The following RASAL3 variants were observed in gnomAD, a reference collection of about 807,000 sequenced individuals.
The protein encoded by RASAL3 is RAS protein activator like-3.
Under a neutral mutation model 105.5 loss-of-function variants are expected in RASAL3, and 74 were observed. The ratio of observed to expected loss-of-function variants is 0.70; its 90% confidence interval spans 0.58 to 0.85. The LOEUF (loss-of-function observed/expected upper bound fraction) is 0.85. Among genes scored for constraint, RASAL3 ranks in the 40% least tolerant of loss-of-function variants. The probability of loss-of-function intolerance (pLI) is 0.00; values close to 1 mark genes in which losing one functional copy is unlikely to be tolerated. For missense variants in RASAL3, 1,352 were observed against 1,392.0 expected, an observed-to-expected ratio of 0.97 and a Z score of 0.46; for synonymous variants, 579 against 591.6, an observed-to-expected ratio of 0.98 and a Z score of 0.31.
At chr19:15,454,333 G>C (rs1241628973) in intron 13 of RASAL3, 28 bp downstream of exon 13, 1 of 1,589,318 alleles carries the variant, frequency 6.3e-7, no homozygotes. Flanking sequence ...AAGCCTTCTT[G>C]CCTCCCTACT....
At chr19:15,458,130 T>G in intron 8 of RASAL3, 198 bp downstream of exon 8, 1 of 638,144 alleles carries the variant, frequency 1.6e-6, no homozygotes, top group East Asian at 2.7e-5. Context: ...GGGCCGGGAG[T>G]GGACAGAAGG....
Position 15,461,417 on chromosome 19 carries a change from CCCT to C in RASAL3, c.465+51_465+53del. 5 of 1,532,082 alleles carry C rather than the reference CCCT, an allele frequency of 3.3e-6. No individual in the cohort carries two copies. The South Asian group carries it at 3.6e-5, about 11-fold the overall frequency. The allele number at this position is 1,532,082 out of a possible 1,614,324, so 94.9% of individuals were successfully genotyped here. A position where few individuals can be genotyped will look rare whatever the true frequency, so the allele number is the denominator to read the frequency against. On this transcript the variant is annotated intron_variant, in intron 3 of 17. Coordinates refer to ENST00000343625, the MANE Select transcript of RASAL3 (RefSeq NM_022904.3). ...CCCTCCAGCCCCTGCCTCTGTTCTGCCCTCCTCCTTTTTCTTTCTTCCCTCCTC... is the reference window on the plus strand; with the variant it reads ...CCCTCCAGCCCCTGCCTCTGTTCTGCCCTCCTTTTTCTTTCTTCCCTCCTC...
In RASAL3 at chr19:15,461,579, G is replaced by GGGCTCCAGCTCTGGCTCC; in HGVS notation, c.339_356dup (p.Glu114_Pro119dup). 1.3e-6 allele frequency: 2 copies of GGGCTCCAGCTCTGGCTCC among 1,532,392 alleles called. No individual in the cohort carries two copies. Among genetic ancestry groups the GGGCTCCAGCTCTGGCTCC allele is most frequent in the Non-Finnish European group, 1.7e-6 (2 of 1,145,468 alleles). 94.9% of individuals were successfully genotyped at this position (1,532,392 alleles called of 1,614,324 possible). A position where few individuals can be genotyped will look rare whatever the true frequency, so the allele number is the denominator to read the frequency against. ...GGGCCTCAGGGATCTGTGGGGTAGGGGGCTCCAGCTCTGGCTCCGGCTCCA... is the reference window on the plus strand; with the variant it reads ...GGGCCTCAGGGATCTGTGGGGTAGGGGGCTCCAGCTCTGGCTCCGGCTCCAGCTCTGGCTCCGGCTCCA... On this transcript the variant is annotated inframe_insertion, in exon 3 of 18. Coordinates refer to ENST00000343625, the MANE Select transcript of RASAL3 (RefSeq NM_022904.3).
Position 15,454,278 on chromosome 19 carries a change from A to AT in RASAL3, c.2161-12dup. The AT allele has an allele frequency of 6.4e-7, 1 of 1,564,596 alleles. No homozygotes were observed. Among genetic ancestry groups the AT allele is most frequent in the East Asian group, 2.4e-5 (1 of 41,938 alleles). On this transcript the variant is annotated splice_polypyrimidine_tract_variant and intron_variant, in intron 13 of 17. Coordinates refer to ENST00000343625, the MANE Select transcript of RASAL3 (RefSeq NM_022904.3). Reference sequence around the variant, plus strand: ...GGTGTCTCGGGTTGTCTGGTGAGGCATGCAGGACAGAGACTGAGCAAAGTC... The same window carrying AT: ...GGTGTCTCGGGTTGTCTGGTGAGGCATTGCAGGACAGAGACTGAGCAAAGTC...
rs773258849 is a variant in RASAL3, at chr19:15,454,513, C to T, written c.2008G>A (p.Glu670Lys). ...AAGCATTGCATGGCTGGTCCATGTT[C>T]CTCCAGGAAGCTATTCATGAAGCCC... ...YMGFMNSFLE[E>K]HGPAMQCFLD... Residue 670 changes from glutamate (E) to lysine (K), a missense_variant, in exon 13 of 18, where the codon GAA (glutamate) becomes AAA (lysine). Glu to Lys is a moderately conservative substitution (Grantham distance 56, BLOSUM62 1). Transcript: ENST00000343625. 6.2e-7 allele frequency: 1 copy of T among 1,613,988 alleles called. No individual in the cohort carries two copies. The highest frequency in any genetic ancestry group is 1.7e-5 in the Admixed American group (1 of 60,028).
chr19:15,459,550 A>G (rs1197678818), intron 6 of RASAL3, among the ~76,000 whole-genome samples: 1 of 150,360 alleles, frequency 6.7e-6, no homozygotes, highest in Non-Finnish European at 1.5e-5. Context: ...AGCCCTATTT[A>G]TTTTTGAGAC....
rs753351235 is a variant in RASAL3 at position 15,452,711 on chromosome 19, C to G, written c.2775G>C (p.Gln925His). ...GCAGCTGGCCCCGCAGCTGCTCCTG[C>G]TGCTCCGTCAAGGCCCGGATTTGGG... The part of the protein sequence containing the change: ...LSTQIRALTE[Q>H]QEQLRGQLQD... Residue 925 changes from glutamine (Q) to histidine (H), a missense_variant, in exon 16 of 18, where the codon CAG becomes CAC. Coordinates refer to ENST00000343625, the MANE Select transcript of RASAL3 (RefSeq NM_022904.3). 6.4e-7 allele frequency: 1 copy of G among 1,553,870 alleles called. No homozygotes were observed. Among genetic ancestry groups the G allele is most frequent in the Admixed American group, 1.9e-5 (1 of 51,496 alleles).
rs762814984 is a variant in RASAL3 at position 15,451,861 on chromosome 19, C to G, written c.2970G>C (p.Arg990Ser). The G allele has an allele frequency of 6.2e-7, 1 of 1,609,114 alleles. No individual in the cohort carries two copies. The highest frequency in any genetic ancestry group is 8.5e-7 in the Non-Finnish European group (1 of 1,176,086). ...DAVQSLQLSPRTRGSWSQPQP... is the reference protein window; with the variant it reads ...DAVQSLQLSPSTRGSWSQPQP... The stretch of plus-strand genomic sequence containing the variant: ...GGGGTTGACTCCAAGACCCCCGCGT[C>G]CTTGGAGAAAGCTGCAGGCTCTGGA... The change falls in exon 18 of 18, where the codon AGG becomes AGC. Residue 990 changes from arginine (R) to serine (S), a missense_variant. Physicochemically the swap from Arg to Ser is moderately radical, Grantham distance 110 (BLOSUM62 -1). Around this residue, in one of 3 missense-constraint regions of RASAL3, gnomAD observed 920 missense variants for 919.6 expected, o/e 1.00. Coordinates refer to ENST00000343625, the MANE Select transcript of RASAL3 (RefSeq NM_022904.3).
Position 15,452,697 on chromosome 19 carries a change from C to CGCA in RASAL3, c.2786_2788dup (p.Leu929dup). 6.4e-7 allele frequency: 1 copy of CGCA among 1,552,054 alleles called. No homozygotes were observed. The highest frequency in any genetic ancestry group is 8.7e-7 in the Non-Finnish European group (1 of 1,147,660). On this transcript the variant is annotated inframe_insertion, in exon 16 of 18. Coordinates refer to ENST00000343625, the MANE Select transcript of RASAL3 (RefSeq NM_022904.3). ...GGAGTCCAGATCCTGCAGCTGGCCCCGCAGCTGCTCCTGCTGCTCCGTCAA... is the reference window on the plus strand; with the variant it reads ...GGAGTCCAGATCCTGCAGCTGGCCCCGCAGCAGCTGCTCCTGCTGCTCCGTCAA...
chr19:15,461,584 C>CCA lies in RASAL3; in HGVS notation c.350_351dup (p.Glu118TrpfsTer92). On this transcript the variant is annotated frameshift_variant, in exon 3 of 18. Transcript: ENST00000343625. LOFTEE classifies it high-confidence loss of function. ...TCAGGGATCTGTGGGGTAGGGGGCTCCAGCTCTGGCTCCGGCTCCAGCTCT... is the reference window on the plus strand; with the variant it reads ...TCAGGGATCTGTGGGGTAGGGGGCTCCACAGCTCTGGCTCCGGCTCCAGCTCT... The CCA allele has an allele frequency of 6.5e-7, 1 of 1,531,008 alleles. No homozygotes were observed. Among genetic ancestry groups the CCA allele is most frequent in the Non-Finnish European group, 8.7e-7 (1 of 1,144,854 alleles). 94.8% of individuals were successfully genotyped at this position (1,531,008 alleles called of 1,614,324 possible). A position where few individuals can be genotyped will look rare whatever the true frequency, so the allele number is the denominator to read the frequency against.
chr19:15,451,755 T>TG lies in RASAL3; in HGVS notation c.*39_*40insC. ...ACACCCCCCCTAAGATGGCTATCTC[T>TG]CTGCTCCCAGACCACGTGTGATGAG... On this transcript the variant is annotated 3_prime_UTR_variant, in exon 18 of 18. Coordinates refer to ENST00000343625, the MANE Select transcript of RASAL3 (RefSeq NM_022904.3). 1 of 1,559,810 alleles carries TG rather than the reference T, an allele frequency of 6.4e-7. No individual in the cohort carries two copies. Among genetic ancestry groups the TG allele is most frequent in the Non-Finnish European group, 8.7e-7 (1 of 1,146,206 alleles).
intron 2 of RASAL3, among the ~76,000 whole-genome samples, chr19:15,461,849 CCTT>C (rs1215450826): frequency 6.6e-6 from 1 of 152,280 alleles, no homozygotes; most frequent in East Asian, 1.9e-4. Context: ...ACTCCACACA[CCTT>C]CTTGCATTGA....
intron 16 of RASAL3, 106 bp downstream of exon 16, chr19:15,452,552 G>A: frequency 9.7e-7 from 1 of 1,026,012 alleles, no homozygotes; most frequent in East Asian, 2.8e-5. Context: ...CCAGGGTGGG[G>A]CTTGGCCGTG....
chr19:15,457,192 C>T lies in RASAL3; in HGVS notation c.1431+100G>A. The T allele has an allele frequency of 9.9e-7, 1 of 1,012,786 alleles. No homozygotes were observed. Among genetic ancestry groups the T allele is most frequent in the Non-Finnish European group, 1.3e-6 (1 of 785,474 alleles). 62.7% of individuals were successfully genotyped at this position (1,012,786 alleles called of 1,614,324 possible). On this transcript the variant is annotated intron_variant, in intron 9 of 17. Coordinates refer to ENST00000343625, the MANE Select transcript of RASAL3 (RefSeq NM_022904.3). The surrounding 1 kb of genome is among the most constrained non-coding windows in gnomAD (Gnocchi z 8.6). ...TCACACCCCTTCAAGGTGTCTCCCCCATTACAGGTGCAACTCAGGTCCTGC... is the reference window on the plus strand; with the variant it reads ...TCACACCCCTTCAAGGTGTCTCCCCTATTACAGGTGCAACTCAGGTCCTGC...
At position 15,453,346 on chromosome 19, in the gene RASAL3, G is replaced by A; in HGVS notation, c.2431C>T (p.Pro811Ser). ...RPDEERPLRRPRPVQRTQSVP... is the reference protein window; with the variant it reads ...RPDEERPLRRSRPVQRTQSVP... ...CTCTGCGTGCGCTGCACCGGCCGGG[G>A]CCGCCGCAGGGGCCGCTCTTCGTCC... The change falls in exon 15 of 18, where the codon CCC becomes TCC. Residue 811 changes from proline to serine, a missense_variant. Pro to Ser is a moderately conservative substitution (Grantham distance 74, BLOSUM62 -1). Transcript: ENST00000343625. The surrounding 1 kb of genome is among the most constrained non-coding windows in gnomAD (Gnocchi z 4.2). 2 of 1,427,982 alleles carry A rather than the reference G, an allele frequency of 1.4e-6. No individual in the cohort carries two copies. Among genetic ancestry groups the A allele is most frequent in the Non-Finnish European group, 9.1e-7 (1 of 1,097,834 alleles). The allele number at this position is 1,427,982 out of a possible 1,614,324, so 88.5% of individuals were successfully genotyped here.
intron 2 of RASAL3, among the ~76,000 whole-genome samples, chr19:15,462,339 AG>A (rs1317463270): frequency 6.6e-6 from 1 of 151,944 alleles, no homozygotes; most frequent in African/African-American, 2.4e-5. Context: ...ATACAAAATT[AG>A]CCAGGCGTGG....
In RASAL3 at chr19:15,464,190, C is replaced by A; in HGVS notation, c.169G>T (p.Val57Phe). 1 of 1,612,314 alleles carries A rather than the reference C, an allele frequency of 6.2e-7. No individual in the cohort carries two copies. Among genetic ancestry groups the A allele is most frequent in the South Asian group, 1.1e-5 (1 of 90,922 alleles). ...GRALSHQEPMVSTQPAPRSIF... is the reference protein window; with the variant it reads ...GRALSHQEPMFSTQPAPRSIF... Reference sequence around the variant, plus strand: ...GAGCGAGGGGCTGGCTGGGTGCTGACCATGGGCTCCTGGTGGCTCAGGGCC... The same window carrying A: ...GAGCGAGGGGCTGGCTGGGTGCTGAACATGGGCTCCTGGTGGCTCAGGGCC... The change falls in exon 2 of 18, where the codon GTC becomes TTC. Residue 57 changes from valine (V) to phenylalanine (F), a missense_variant. Physicochemically the swap from Val to Phe is conservative, Grantham distance 50. This residue lies in a region of RASAL3 where 344 missense variants were observed against 339.6 expected (regional missense o/e 1.01). Coordinates refer to ENST00000343625, the MANE Select transcript of RASAL3 (RefSeq NM_022904.3).
At position 15,456,927 on chromosome 19, in the gene RASAL3, G is replaced by A. The variant is rs371788310; in HGVS notation, c.1432-281C>T. On this transcript the variant is annotated intron_variant, in intron 9 of 17. Coordinates refer to ENST00000343625, the MANE Select transcript of RASAL3 (RefSeq NM_022904.3). The surrounding 1 kb of genome is among the most constrained non-coding windows in gnomAD (Gnocchi z 4.4). ...AAGCTTAGGCTCCGCTCTTCAAGGT[G>A]TCCCGCCCCTTATGGGTGATAATTA... 5.6e-6 allele frequency: 3 copies of A among 536,900 alleles called. No individual in the cohort carries two copies. The East Asian group carries it at 9.5e-5, about 17-fold the overall frequency. 33.3% of individuals were successfully genotyped at this position (536,900 alleles called of 1,614,324 possible). A position where few individuals can be genotyped will look rare whatever the true frequency, so the allele number is the denominator to read the frequency against.
chr19:15,457,311 C>A lies in RASAL3; in HGVS notation c.1412G>T (p.Arg471Leu). Residue 471 changes from arginine (R) to leucine (L), a missense_variant, in exon 9 of 18, where the codon CGG (arginine) becomes CTG (leucine). By Grantham distance (102) the Arg-to-Leu change is moderately radical (BLOSUM62 -2). Transcript: ENST00000343625. The surrounding 1 kb of genome is among the most constrained non-coding windows in gnomAD (Gnocchi z 8.6). The stretch of plus-strand genomic sequence containing the variant: ...CCGCACCTGCGCCCGGCCGGTGGCC[C>A]GCAGCACGCGCACCATGGCTGCCGC... ...ELAAAMVRVLRATGRAQALVT... is the reference protein window; with the variant it reads ...ELAAAMVRVLLATGRAQALVT... 7.6e-7 allele frequency: 1 copy of A among 1,314,160 alleles called. No homozygotes were observed. Among genetic ancestry groups the A allele is most frequent in the Non-Finnish European group, 9.7e-7 (1 of 1,033,516 alleles). 81.4% of individuals were successfully genotyped at this position (1,314,160 alleles called of 1,614,324 possible).
Sources: gnomAD v4.1 joint callset for allele counts (sites outside exome capture counted in the v4.1 genomes callset) on GRCh38, gnomAD v4.1.1 for gene constraint, gnomAD v4.1.1 regional missense constraint, Gnocchi (gnomAD v3.1) non-coding constraint, MANE v1.5 for transcripts, NCBI Gene and HGNC (gene_info 2026-07-23, HGNC 2026-07-21) for gene names.